LIMA1: variants seen among roughly 807,000 people sequenced by gnomAD.
LIMA1 encodes LIM domain and actin binding 1.
A neutral mutation model predicts 62.6 loss-of-function variants in LIMA1; 52 were observed. The ratio of observed to expected loss-of-function variants is 0.83; its 90% confidence interval spans 0.67 to 1.05. The LOEUF is 1.05. Among genes scored for constraint, LIMA1 ranks in the 50% least tolerant of loss-of-function variants. The pLI, the probability that LIMA1 is intolerant of heterozygous loss-of-function variation, is 0.00. For missense variants in LIMA1, 780 were observed against 902.2 expected (o/e 0.86, Z 1.74); for synonymous variants, 302 against 317.8 (o/e 0.95, Z 0.53).
rs147543382 is a variant in LIMA1, at chr12:50,177,296, C to T, written c.2048G>A (p.Gly683Asp). Reference protein sequence around the residue: ...EMENENLVENGADSDEDDNSF... With the variant: ...EMENENLVENDADSDEDDNSF... ...GTTATCATCTTCATCGGAGTCTGCA[C>T]CATTTTCTACAAGATTCTCATTCTC... The change falls in exon 11 of 11, where the codon GGT becomes GAT. Residue 683 changes from glycine to aspartate, a missense_variant. Gly to Asp is a moderately conservative substitution (Grantham distance 94). Coordinates refer to ENST00000341247, the MANE Select transcript of LIMA1 (RefSeq NM_016357.5). The T allele has an allele frequency of 2.7e-4, 429 of 1,614,162 alleles. 1 individual carries two copies. In the Middle Eastern group the frequency reaches 6.3e-3, roughly 24 times the overall value.
intron 10 of LIMA1, 56 bp downstream of exon 10, chr12:50,181,846 CAA>C (rs897512900): frequency 6.3e-7 from 1 of 1,592,668 alleles, no homozygotes; most frequent in Non-Finnish European, 8.6e-7. Flanking sequence ...CTCTAAAAGC[CAA>C]AGACTCCCTC....
chr12:50,264,547 A>G (rs2138680921), intron 1 of LIMA1, among the ~76,000 whole-genome samples: 1 of 152,304 alleles, frequency 6.6e-6, no homozygotes, highest in East Asian at 1.9e-4. Context: ...AGCTGGTTCC[A>G]ATTCCCATTC....
chr12:50,254,398 A>G (rs114460245), intron 1 of LIMA1, among the ~76,000 whole-genome samples: 4 of 152,330 alleles, frequency 2.6e-5, no homozygotes, highest in African/African-American at 9.6e-5. Context: ...TCAAGTAACC[A>G]AATCCCCTTT....
At chr12:50,229,111 C>G (rs1283487239) in intron 3 of LIMA1, among the ~76,000 whole-genome samples, 1 of 152,218 alleles carries the variant, frequency 6.6e-6, no homozygotes, top group Non-Finnish European at 1.5e-5. Flanking sequence ...TACTCTAGTC[C>G]AAACCATATT....
rs190423660 is a variant in LIMA1, at chr12:50,274,890, T to C, written c.-24+8530A>G. On this transcript the variant is annotated intron_variant, in intron 1 of 10. Coordinates refer to ENST00000341247, the MANE Select transcript of LIMA1 (RefSeq NM_016357.5). ...TGCAAAGGCCCTGAGGAAGGAATAA[T>C]ACAGCTAGGAAGTAAGTGAGAAGCA... 5.3e-5 allele frequency among the ~76,000 whole-genome samples: 8 copies of C among 152,190 alleles called. No homozygotes were observed. In the East Asian group the frequency reaches 1.5e-3, roughly 29 times the overall value.
intron 9 of LIMA1, chr12:50,186,218 A>G (rs554433426): frequency 5.3e-5 from 8 of 152,338 alleles, no homozygotes; most frequent in South Asian, 2.1e-4. Context: ...AACACTGCCA[A>G]TACGACAATG....
chr12:50,244,186 C>G (rs921536717), intron 2 of LIMA1, among the ~76,000 whole-genome samples: 8 of 152,150 alleles, frequency 5.3e-5, no homozygotes, highest in Non-Finnish European at 1.0e-4. Flanking sequence ...GCAACCTCCG[C>G]CCCCCAGGTC....
chr12:50,280,979 A>G (rs979125476), intron 1 of LIMA1, among the ~76,000 whole-genome samples: 2 of 152,228 alleles, frequency 1.3e-5, no homozygotes, highest in African/African-American at 2.4e-5. Flanking sequence ...ACATTTTCCT[A>G]TCTGCAGAAA....
chr12:50,281,622 G>C (rs1171322897), intron 1 of LIMA1, among the ~76,000 whole-genome samples: 1 of 152,140 alleles, frequency 6.6e-6, no homozygotes. Flanking sequence ...GCCCAATACA[G>C]AACAGTGGAA....
At chr12:50,270,868 G>A (rs571435833) in intron 1 of LIMA1, among the ~76,000 whole-genome samples, 3 of 152,134 alleles carry the variant, frequency 2.0e-5, no homozygotes, top group East Asian at 1.9e-4. Flanking sequence ...CGAGGTGGGC[G>A]GATGACGAGG....
chr12:50,206,881 C>G (rs1332396082), intron 4 of LIMA1, among the ~76,000 whole-genome samples: 2 of 148,242 alleles, frequency 1.3e-5, no homozygotes, highest in African/African-American at 5.3e-5. Context: ...AGAGACCATG[C>G]CTTTTTGTCC....
intron 7 of LIMA1, among the ~76,000 whole-genome samples, chr12:50,197,376 C>CT (rs764758575): frequency 0.028 from 4,064 of 144,206 alleles, 149 homozygotes; most frequent in African/African-American, 0.08. Flanking sequence ...GGCACATGTC[C>CT]TTTTTTTTTT....
chr12:50,194,352 G>A (rs1485004117), intron 8 of LIMA1, among the ~76,000 whole-genome samples: 18 of 144,046 alleles, frequency 1.2e-4, no homozygotes, highest in African/African-American at 4.6e-4. Context: ...GCTGGAGTGC[G>A]ATGGTGCGAT....
chr12:50,269,918 CAAATAAAAAA>C (rs1307500958), intron 1 of LIMA1, among the ~76,000 whole-genome samples: 7 of 88,136 alleles, frequency 7.9e-5, no homozygotes, highest in Admixed American at 2.5e-4. Context: ...AAAACTCCGT[CAAATAAAAAA>C]AAAAAAAAAA....
intron 1 of LIMA1, among the ~76,000 whole-genome samples, chr12:50,263,834 G>GTATATATATATATATAGAGTA (rs1942102796): frequency 1.7e-5 from 2 of 116,282 alleles, no homozygotes; most frequent in African/African-American, 6.8e-5. Context: ...TATAGAGAGA[G>GTATATATATATATATAGAGTA]TATATATATA....
At chr12:50,201,944 A>G (rs1463323288) in intron 6 of LIMA1, 1 of 152,154 alleles carries the variant, frequency 6.6e-6, no homozygotes, top group Non-Finnish European at 1.5e-5. Flanking sequence ...GAGGTCGATG[A>G]CTATAGACAT....
chr12:50,264,233 T>C (rs573980443), intron 1 of LIMA1, among the ~76,000 whole-genome samples: 1 of 152,232 alleles, frequency 6.6e-6, no homozygotes, highest in South Asian at 2.1e-4. Context: ...AGGAACTGAC[T>C]GCTGATGGGT....
intron 1 of LIMA1, among the ~76,000 whole-genome samples, chr12:50,261,493 C>G (rs1030094164): frequency 6.6e-6 from 1 of 152,032 alleles, no homozygotes; most frequent in African/African-American, 2.4e-5. Context: ...GCACACTACT[C>G]CCCCCGAGGA....
intron 9 of LIMA1, among the ~76,000 whole-genome samples, chr12:50,192,065 G>A (rs544976621): frequency 6.6e-6 from 1 of 150,836 alleles, no homozygotes; most frequent in African/African-American, 2.4e-5. Flanking sequence ...AACATGGGGG[G>A]GCGGAGGTTA....
Sources: gnomAD v4.1 joint callset for allele counts (sites outside exome capture counted in the v4.1 genomes callset) on GRCh38, gnomAD v4.1.1 for gene constraint, MANE v1.5 for transcripts, NCBI Gene and HGNC (gene_info 2026-07-23, HGNC 2026-07-21) for gene names.